The following PRKG1 variants were observed in gnomAD, a reference collection of about 807,000 sequenced individuals.
The protein encoded by PRKG1 is protein kinase cGMP-dependent 1, also known as cGMP-dependent protein kinase 1.
Under a neutral mutation model 88.1 loss-of-function variants are expected in PRKG1, and 35 were observed. The ratio of observed to expected loss-of-function variants is 0.40; its 90% CI spans 0.30 to 0.53. The LOEUF is 0.53. Among genes scored for constraint, PRKG1 ranks in the 20% least tolerant of loss-of-function variants. PRKG1 has a pLI of 0.59. For synonymous variants in PRKG1, 303 were observed against 292.5 expected (o/e 1.04, Z -0.37); for missense variants, 540 against 839.8 (o/e 0.64, Z 4.41).
intron 1 of PRKG1, among the ~76,000 whole-genome samples, chr10:51,133,980 G>T (rs951498645): frequency 3.3e-5 from 5 of 152,012 alleles, no homozygotes; most frequent in Non-Finnish European, 7.4e-5. Context: ...TTATCTCCCT[G>T]CTCCCTCATT....
intron 5 of PRKG1, among the ~76,000 whole-genome samples, chr10:52,012,007 ATAAACCTCTTTTCTT>A (rs1250725547): frequency 1.3e-5 from 2 of 152,174 alleles, no homozygotes; most frequent in Non-Finnish European, 2.9e-5. Context: ...TGTAAGTCCA[ATAAACCTCTTTTCTT>A]TTGTAAATTG....
rs189425488 is a variant in PRKG1 at position 52,193,505 on chromosome 10, A to C, written c.1076+31542A>C. ...GGAGGTTGCAGTGAGCTGAGATTGCACTAGTGCACTCCAGCCTGAACAAAA... is the reference window on the plus strand; with the variant it reads ...GGAGGTTGCAGTGAGCTGAGATTGCCCTAGTGCACTCCAGCCTGAACAAAA... On this transcript the variant is annotated intron_variant, in intron 9 of 17. Transcript: ENST00000373980. 7.0e-5 allele frequency among the ~76,000 whole-genome samples: 10 copies of C among 143,828 alleles called. No individual in the cohort carries two copies. In the East Asian group the frequency reaches 2.1e-3, roughly 31 times the overall value. 94.4% of individuals were successfully genotyped at this position (143,828 alleles called of 152,430 possible).
At chr10:51,395,934 T>G (rs556546654) in intron 2 of PRKG1, among the ~76,000 whole-genome samples, 1 of 152,318 alleles carries the variant, frequency 6.6e-6, no homozygotes, top group South Asian at 2.1e-4. Context: ...TCTGTGTTGC[T>G]CAAAGTAGGA....
intron 2 of PRKG1, among the ~76,000 whole-genome samples, chr10:51,371,429 T>C (rs1263343987): frequency 6.6e-6 from 1 of 151,348 alleles, no homozygotes; most frequent in African/African-American, 2.4e-5. Context: ...TGTGTGTGAG[T>C]CTGAGGGGGT....
intron 3 of PRKG1, among the ~76,000 whole-genome samples, chr10:51,543,043 G>A (rs1320942103): frequency 6.6e-6 from 1 of 152,162 alleles, no homozygotes; most frequent in Admixed American, 6.6e-5. Context: ...TCCTGAGTCA[G>A]ATATGTATTA....
chr10:51,056,569 T>C (rs1026804110), intron 1 of PRKG1, among the ~76,000 whole-genome samples: 2 of 152,238 alleles, frequency 1.3e-5, no homozygotes, highest in Admixed American at 6.5e-5. Context: ...CTTCCTAACC[T>C]GTCTCCTTAA....
chr10:51,682,554 T>C (rs965376388), intron 3 of PRKG1, among the ~76,000 whole-genome samples: 1 of 152,144 alleles, frequency 6.6e-6, no homozygotes, highest in Non-Finnish European at 1.5e-5. Context: ...TCCATGCCCA[T>C]GGGTTTTTTT....
chr10:51,224,839 G>C (rs1033020103), intron 2 of PRKG1, among the ~76,000 whole-genome samples: 2 of 152,140 alleles, frequency 1.3e-5, no homozygotes, highest in African/African-American at 4.8e-5. Flanking sequence ...TGAAATTATA[G>C]GGAGGGTTGA....
chr10:51,224,456 A>G (rs1838636160), intron 2 of PRKG1, among the ~76,000 whole-genome samples: 1 of 152,242 alleles, frequency 6.6e-6, no homozygotes, highest in Non-Finnish European at 1.5e-5. Context: ...TTTAGCAGAT[A>G]GTGAATATTT....
chr10:51,215,553 G>A (rs1049186978), intron 2 of PRKG1, among the ~76,000 whole-genome samples: 1 of 152,200 alleles, frequency 6.6e-6, no homozygotes, highest in Non-Finnish European at 1.5e-5. Flanking sequence ...TGGGATTTTT[G>A]CAGGGGGCAT....
At chr10:51,437,073 A>G (rs946053326) in intron 2 of PRKG1, among the ~76,000 whole-genome samples, 8 of 151,902 alleles carry the variant, frequency 5.3e-5, no homozygotes, top group Non-Finnish European at 8.8e-5. Flanking sequence ...CGTCCTTGTT[A>G]GCCAACCCGA....
intron 3 of PRKG1, among the ~76,000 whole-genome samples, chr10:51,578,230 A>G (rs1837937753): frequency 6.6e-6 from 1 of 152,166 alleles, no homozygotes. Flanking sequence ...ATCCTTACCA[A>G]AATTGCCTTT....
intron 3 of PRKG1, among the ~76,000 whole-genome samples, chr10:51,659,818 T>C (rs910403211): frequency 4.6e-5 from 7 of 152,076 alleles, no homozygotes; most frequent in African/African-American, 1.7e-4. Context: ...GCTTTGTTAG[T>C]TTTTGAAATG....
intron 1 of PRKG1, among the ~76,000 whole-genome samples, chr10:51,107,114 G>C (rs1844854715): frequency 6.6e-6 from 1 of 152,108 alleles, no homozygotes; most frequent in African/African-American, 2.4e-5. Flanking sequence ...TTATTAAAAG[G>C]GGGTGGCCAT....
intron 4 of PRKG1, among the ~76,000 whole-genome samples, chr10:51,837,271 C>T (rs983026534): frequency 6.6e-6 from 1 of 151,984 alleles, no homozygotes. Context: ...AAAGTTTTTT[C>T]TAAATAAAAC....
At chr10:52,188,290 GTA>G (rs1194084240) in intron 9 of PRKG1, among the ~76,000 whole-genome samples, 1 of 14,276 alleles carries the variant, frequency 7.0e-5, no homozygotes, top group Non-Finnish European at 1.6e-4. Context: ...ATATATATGT[GTA>G]TATATATATG....
chr10:51,573,878 C>G (rs895384846), intron 3 of PRKG1, among the ~76,000 whole-genome samples: 1 of 151,848 alleles, frequency 6.6e-6, no homozygotes, highest in Non-Finnish European at 1.5e-5. Flanking sequence ...GAGTGGTTTT[C>G]GATTAGCATT....
intron 1 of PRKG1, among the ~76,000 whole-genome samples, chr10:51,096,686 A>C (rs1375263767): frequency 6.6e-6 from 1 of 152,138 alleles, no homozygotes; most frequent in East Asian, 1.9e-4. Context: ...CATCTATAAA[A>C]CAGAGATAAT....
At chr10:51,236,695 G>A (rs759593214) in intron 2 of PRKG1, among the ~76,000 whole-genome samples, 6 of 151,894 alleles carry the variant, frequency 4.0e-5, no homozygotes, top group African/African-American at 7.2e-5. Context: ...TAGAGACTAC[G>A]GGGTTTCACC....
Sources: allele counts gnomAD v4.1 joint callset (sites outside exome capture counted in the v4.1 genomes callset), GRCh38; gene constraint gnomAD v4.1.1; transcripts MANE v1.5; gene names NCBI Gene and HGNC (gene_info 2026-07-23, HGNC 2026-07-21).